The following CD300LD variants were observed in gnomAD, a reference collection of about 807,000 sequenced individuals.
The protein encoded by CD300LD is CD300 molecule like family member d, also known as CMRF35-like molecule 5.
In CD300LD, 18 loss-of-function variants were observed where a neutral mutation model predicts 20.3. That is an observed-to-expected ratio of 0.89 (90% confidence interval 0.61 to 1.32). The LOEUF is 1.32. Ranked by LOEUF, CD300LD falls within the 40% of genes most tolerant of loss-of-function variation. The pLI is 0.00. For missense variants in CD300LD, 195 were observed against 226.6 expected (o/e 0.86, Z 0.90); for synonymous variants, 104 against 90.1 (o/e 1.15, Z -0.87).
chr17:74,580,027 AC>A lies in CD300LD; in HGVS notation c.559del (p.Val187Ter). On this transcript the variant is annotated frameshift_variant, in exon 4 of 4. Coordinates refer to ENST00000375352, the MANE Select transcript of CD300LD (RefSeq NM_001115152.2). LOFTEE classifies it low-confidence loss of function (END_TRUNC). The part of the protein sequence containing the change: ...LLSMLGTVLW[V>X]NRPQRRS ...TCAAGACCTTCTTTGTGGTCTGTTTACCCAGAGGACGGTCCCCAGCATGCTC... is the reference window on the plus strand; with the variant it reads ...TCAAGACCTTCTTTGTGGTCTGTTTACCAGAGGACGGTCCCCAGCATGCTC... The A allele has an allele frequency of 6.2e-7, 1 of 1,612,574 alleles. No homozygotes were observed. The highest frequency in any genetic ancestry group is 1.1e-5 in the South Asian group (1 of 90,654).
chr17:74,588,883 C>A (rs761698710), intron 1 of CD300LD, 34 bp from the exon 2 acceptor site: 28 of 1,521,396 alleles, frequency 1.8e-5, no homozygotes, highest in Non-Finnish European at 2.4e-5. Flanking sequence ...CGTCACCTCC[C>A]ACCCCAAGGG....
chr17:74,579,822 T>C lies in CD300LD; in HGVS notation c.*180A>G. ...ATCGCTTGAGCCTGGGAGGGGAAAG[T>C]TGCAGTGAGCAGAGATTACACCATT... On this transcript the variant is annotated 3_prime_UTR_variant, in exon 4 of 4. Coordinates refer to ENST00000375352, the MANE Select transcript of CD300LD (RefSeq NM_001115152.2). The C allele has an allele frequency of 5.0e-6, 2 of 401,158 alleles. No homozygotes were observed. The highest frequency in any genetic ancestry group is 4.6e-6 in the Non-Finnish European group (1 of 215,600). 24.8% of individuals were successfully genotyped at this position (401,158 alleles called of 1,614,324 possible).
intron 3 of CD300LD, among the ~76,000 whole-genome samples, chr17:74,581,450 T>A (rs145309297): frequency 2.2e-4 from 34 of 152,298 alleles, no homozygotes; most frequent in Non-Finnish European, 4.4e-4. Flanking sequence ...ACCCAACGGC[T>A]AGCTATCAGG....
At chr17:74,586,080 C>T (rs2030151483) in intron 2 of CD300LD, among the ~76,000 whole-genome samples, 1 of 152,186 alleles carries the variant, frequency 6.6e-6, no homozygotes, top group African/African-American at 2.4e-5. Flanking sequence ...GGCGGTGAAG[C>T]ATCAGATTCC....
At chr17:74,585,712 G>T (rs1053530380) in intron 2 of CD300LD, among the ~76,000 whole-genome samples, 5 of 152,218 alleles carry the variant, frequency 3.3e-5, no homozygotes, top group Non-Finnish European at 7.3e-5. Context: ...AGGATTGCTA[G>T]AATCTATATT....
intron 1 of CD300LD, among the ~76,000 whole-genome samples, chr17:74,591,250 CAAAAAA>C (rs1210132799): frequency 5.9e-5 from 2 of 33,922 alleles, no homozygotes; most frequent in African/African-American, 3.2e-4. Flanking sequence ...CTCATCTCTA[CAAAAAA>C]AAAAAAAATA....
In CD300LD at chr17:74,588,556, G is replaced by A; in HGVS notation, c.334C>T (p.Pro112Ser). The change falls in exon 2 of 4, where the codon CCT (proline) becomes TCT (serine). Residue 112 changes from proline to serine, a missense_variant. Transcript: ENST00000375352. ...ADSYWCGTERPGIDLGVKVQV... is the reference protein window; with the variant it reads ...ADSYWCGTERSGIDLGVKVQV... ...ACTTTGACCCCAAGATCAATTCCAG[G>A]TCTCTCAGTCCCACACCAATAACTG... is the stretch of plus-strand genomic sequence containing the variant. The A allele has an allele frequency of 6.2e-7, 1 of 1,613,744 alleles. No individual in the cohort carries two copies. Among genetic ancestry groups the A allele is most frequent in the South Asian group, 1.1e-5 (1 of 91,046 alleles).
At chr17:74,590,213 C>G (rs1296905924) in intron 1 of CD300LD, among the ~76,000 whole-genome samples, 6 of 152,160 alleles carry the variant, frequency 3.9e-5, no homozygotes, top group African/African-American at 1.4e-4. Context: ...CTCTCATTCT[C>G]TCTCTTGCCT....
intron 2 of CD300LD, among the ~76,000 whole-genome samples, chr17:74,587,103 C>T (rs1398657764): frequency 6.6e-6 from 1 of 151,666 alleles, no homozygotes; most frequent in Non-Finnish European, 1.5e-5. Flanking sequence ...GAGCCGAGAT[C>T]GTGCCATTGC....
At chr17:74,589,052 C>T (rs2030243498) in intron 1 of CD300LD, among the ~76,000 whole-genome samples, 1 of 152,210 alleles carries the variant, frequency 6.6e-6, no homozygotes, top group Non-Finnish European at 1.5e-5. Context: ...ACTGCAGATC[C>T]CCAAAGAAAC....
intron 2 of CD300LD, among the ~76,000 whole-genome samples, chr17:74,582,936 A>G (rs920797389): frequency 1.3e-5 from 2 of 152,256 alleles, no homozygotes; most frequent in Admixed American, 6.5e-5. Flanking sequence ...AGTTTGCTTC[A>G]GGAGCAATCT....
In CD300LD at chr17:74,579,965, C is replaced by G; in HGVS notation, c.*37G>C. ...TCGCCCTGGACAGGACGTCAATGGG[C>G]ATTGGGACTCTCATCATCGGGCTGA... On this transcript the variant is annotated 3_prime_UTR_variant, in exon 4 of 4. Coordinates refer to ENST00000375352, the MANE Select transcript of CD300LD (RefSeq NM_001115152.2). The G allele has an allele frequency of 1.5e-6, 2 of 1,310,630 alleles. No homozygotes were observed. Among genetic ancestry groups the G allele is most frequent in the Non-Finnish European group, 2.2e-6 (2 of 908,404 alleles). 81.2% of individuals were successfully genotyped at this position (1,310,630 alleles called of 1,614,324 possible).
chr17:74,585,356 C>A (rs2030133483), intron 2 of CD300LD, among the ~76,000 whole-genome samples: 1 of 152,020 alleles, frequency 6.6e-6, no homozygotes, highest in Non-Finnish European at 1.5e-5. Flanking sequence ...GAATCATATT[C>A]CAAGTCTAAA....
intron 2 of CD300LD, among the ~76,000 whole-genome samples, chr17:74,583,882 T>A (rs543501963): frequency 4.0e-5 from 6 of 150,866 alleles, no homozygotes; most frequent in Non-Finnish European, 8.8e-5. Flanking sequence ...CTCCCAAGCA[T>A]CTGGGACTAC....
chr17:74,579,887 G>T lies in CD300LD; in HGVS notation c.*115C>A. On this transcript the variant is annotated 3_prime_UTR_variant, in exon 4 of 4. Coordinates refer to ENST00000375352, the MANE Select transcript of CD300LD (RefSeq NM_001115152.2). ...GTGACAGAGCAAGACTCTATCTCTA[G>T]AAAGAAAAAAAGAAGAGAAAAGAAA... is the stretch of plus-strand genomic sequence containing the variant. 1 of 613,418 alleles carries T rather than the reference G, an allele frequency of 1.6e-6. No homozygotes were observed. 38.0% of individuals were successfully genotyped at this position (613,418 alleles called of 1,614,324 possible). A position where few individuals can be genotyped will look rare whatever the true frequency, so the allele number is the denominator to read the frequency against.
intron 3 of CD300LD, 132 bp downstream of exon 3, chr17:74,582,085 TA>T (rs1367813160): frequency 1.4e-5 from 9 of 627,832 alleles, no homozygotes; most frequent in South Asian, 6.4e-5. Flanking sequence ...ATACTTATGC[TA>T]AAAAATGTTT....
intron 2 of CD300LD, among the ~76,000 whole-genome samples, chr17:74,586,165 T>C (rs989128245): frequency 1.3e-5 from 2 of 152,214 alleles, no homozygotes; most frequent in Admixed American, 1.3e-4. Flanking sequence ...AAATGTGCAC[T>C]GGCATCTGTG....
At chr17:74,581,134 C>G (rs2030025688) in intron 3 of CD300LD, among the ~76,000 whole-genome samples, 1 of 151,676 alleles carries the variant, frequency 6.6e-6, no homozygotes, top group Non-Finnish European at 1.5e-5. Flanking sequence ...CAGCTAAAGT[C>G]CCATCAGTTT....
Position 74,588,529 on chromosome 17 carries a change from G to A in CD300LD, c.361C>T (p.Gln121Ter), listed in dbSNP as rs868469429. 6.2e-7 allele frequency: 1 copy of A among 1,611,210 alleles called. No homozygotes were observed. Among genetic ancestry groups the A allele is most frequent in the African/African-American group, 1.3e-5 (1 of 74,930 alleles). The change falls in exon 2 of 4, where the codon CAA (glutamine) becomes TAA (stop). Residue 121 changes from glutamine to a stop codon, truncating the protein, a stop_gained. Coordinates refer to ENST00000375352, the MANE Select transcript of CD300LD (RefSeq NM_001115152.2). LOFTEE classifies it high-confidence loss of function. ...CTCTTACCTGGGTTAATGGTCACTT[G>A]AACTTTGACCCCAAGATCAATTCCA... ...RPGIDLGVKV[Q>*]VTINPGTQTA... is the part of the protein sequence containing the mutation.
Sources: allele counts gnomAD v4.1 joint callset (sites outside exome capture counted in the v4.1 genomes callset), GRCh38; gene constraint gnomAD v4.1.1; transcripts MANE v1.5; gene names NCBI Gene and HGNC (gene_info 2026-07-23, HGNC 2026-07-21).